Variants in KMO observed in about 807,000 individuals in gnomAD.
KMO encodes kynurenine 3-monooxygenase, also known as kynurenine 3-hydroxylase.
A neutral mutation model predicts 57.8 loss-of-function variants in KMO; 24 were observed. The ratio of observed to expected loss-of-function variants is 0.42; its 90% CI spans 0.30 to 0.58. The LOEUF (loss-of-function observed/expected upper bound fraction) is 0.58, where lower values mean the gene tolerates loss of function less well. Ranked by LOEUF, KMO falls within the 20% of genes least tolerant of loss-of-function variation. KMO has a pLI of 0.22. For synonymous variants in KMO, 210 were observed against 193.6 expected, an observed-to-expected ratio of 1.08 and a Z score of -0.70; for missense variants, 483 against 588.2, an observed-to-expected ratio of 0.82 and a Z score of 1.85.
chr1:241,545,305 T>C (rs1409113557), intron 1 of KMO, among the ~76,000 whole-genome samples: 2 of 152,190 alleles, frequency 1.3e-5, no homozygotes, highest in African/African-American at 4.8e-5. Context: ...TGTAAGCTCT[T>C]TGTATTAGTT....
intron 11 of KMO, among the ~76,000 whole-genome samples, chr1:241,586,957 G>A (rs1238841701): frequency 6.6e-6 from 1 of 152,142 alleles, no homozygotes; most frequent in Non-Finnish European, 1.5e-5. Flanking sequence ...CTATGTGGAG[G>A]TCCATGAAGT....
At chr1:241,556,147 G>C (rs1330920569) in intron 5 of KMO, among the ~76,000 whole-genome samples, 1 of 152,060 alleles carries the variant, frequency 6.6e-6, no homozygotes, top group Non-Finnish European at 1.5e-5. Context: ...ATTGCCTAAA[G>C]TTTTTAGAGA....
At chr1:241,587,737 C>A (rs1490493442) in intron 11 of KMO, among the ~76,000 whole-genome samples, 1 of 151,216 alleles carries the variant, frequency 6.6e-6, no homozygotes, top group African/African-American at 2.4e-5. Context: ...AGCCACCATG[C>A]CCGGCATAAA....
At chr1:241,560,905 A>G (rs1337957584) in intron 6 of KMO, among the ~76,000 whole-genome samples, 153 bp downstream of exon 6, 6 of 152,236 alleles carry the variant, frequency 3.9e-5, no homozygotes, top group Non-Finnish European at 8.8e-5. Flanking sequence ...TTTAGATTGC[A>G]AATAGGCCCT....
intron 1 of KMO, among the ~76,000 whole-genome samples, chr1:241,547,129 G>A (rs1171228592): frequency 6.6e-6 from 1 of 152,078 alleles, no homozygotes; most frequent in Admixed American, 6.6e-5. Flanking sequence ...GCTACTGGTA[G>A]GGCAACACTC....
intron 1 of KMO, among the ~76,000 whole-genome samples, chr1:241,534,992 A>G (rs991558365): frequency 2.0e-5 from 3 of 151,762 alleles, no homozygotes; most frequent in African/African-American, 7.3e-5. Flanking sequence ...TGTTTCTTAG[A>G]TATCTACTCC....
rs1211795268 is a variant in KMO, at chr1:241,548,717, C to T, written c.55-112C>T. ...AAATGAGGCTGGTAAAATATGACCACACACAATGTGAGGCTAGTAAAACAT... is the reference window on the plus strand; with the variant it reads ...AAATGAGGCTGGTAAAATATGACCATACACAATGTGAGGCTAGTAAAACAT... On this transcript the variant is annotated intron_variant, in intron 1 of 14. Coordinates refer to ENST00000366559, the MANE Select transcript of KMO (RefSeq NM_003679.5). 9.8e-6 allele frequency: 6 copies of T among 609,330 alleles called. No individual in the cohort carries two copies. The African/African-American group carries it at 1.1e-4, about 11-fold the overall frequency. The allele number at this position is 609,330 out of a possible 1,614,324, so 37.7% of individuals were successfully genotyped here. A position where few individuals can be genotyped will look rare whatever the true frequency, so the allele number is the denominator to read the frequency against.
chr1:241,562,383 C>G, intron 7 of KMO, 51 bp downstream of exon 7: 1 of 1,566,042 alleles, frequency 6.4e-7, no homozygotes, highest in African/African-American at 1.4e-5. Context: ...GCTCCATGAG[C>G]GCGAATGCGT....
Position 241,555,656 on chromosome 1 carries a change from G to T in KMO, c.357G>T (p.Leu119Phe). 1 of 1,556,640 alleles carries T rather than the reference G, an allele frequency of 6.4e-7. No individual in the cohort carries two copies. Among genetic ancestry groups the T allele is most frequent in the Non-Finnish European group, 8.9e-7 (1 of 1,129,226 alleles). ...VSRENLNKDL[L>F]TAAEKYPNVK... ...GAGAAAATCTAAACAAGGATCTATTGACTGGTAAGTCTAATGTTTGATTCA... is the reference window on the plus strand; with the variant it reads ...GAGAAAATCTAAACAAGGATCTATTTACTGGTAAGTCTAATGTTTGATTCA... The change falls in exon 5 of 15, where the codon TTG becomes TTT. Residue 119 changes from leucine to phenylalanine, a missense_variant. Leu to Phe is a conservative substitution (Grantham distance 22). Around this residue, in one of 3 missense-constraint regions of KMO, gnomAD observed 410 missense variants for 492.3 expected, o/e 0.83. Transcript: ENST00000366559.
At chr1:241,570,631 C>T (rs1306970376) in intron 10 of KMO, among the ~76,000 whole-genome samples, 1 of 152,032 alleles carries the variant, frequency 6.6e-6, no homozygotes, top group African/African-American at 2.4e-5. Flanking sequence ...TATTCTGTTC[C>T]ATTGGTCAAT....
intron 2 of KMO, among the ~76,000 whole-genome samples, chr1:241,549,256 A>AGTCG (rs369081687): frequency 0.12 from 13,737 of 114,676 alleles, 1,610 homozygotes; most frequent in Non-Finnish European, 0.14. Flanking sequence ...AAAGAAAGAA[A>AGTCG]GAAAGAAAGA....
At chr1:241,560,786 G>T (rs746390936) in intron 6 of KMO, 34 bp downstream of exon 6, 1 of 1,408,866 alleles carries the variant, frequency 7.1e-7, no homozygotes, top group South Asian at 1.2e-5. Context: ...CTTCAGAGGT[G>T]AAAGCTGGGA....
intron 2 of KMO, 46 bp downstream of exon 2, chr1:241,548,944 C>A: frequency 7.6e-7 from 1 of 1,316,074 alleles, no homozygotes; most frequent in Non-Finnish European, 1.1e-6. Context: ...GGCACGGTGG[C>A]TCCTGGCACT....
Position 241,565,036 on chromosome 1 carries a change from T to C in KMO, c.665T>C (p.Met222Thr). ...YLHIWPRNTFMMIALPNMNKS... is the reference protein window; with the variant it reads ...YLHIWPRNTFTMIALPNMNKS... The stretch of plus-strand genomic sequence containing the variant: ...CATATTTGGCCTAGAAATACCTTTA[T>C]GATGATTGCACTTCCTAACATGGTA... The change falls in exon 8 of 15, where the codon ATG becomes ACG. Residue 222 changes from methionine to threonine, a missense_variant. Around this residue, in one of 3 missense-constraint regions of KMO, gnomAD observed 410 missense variants for 492.3 expected, o/e 0.83. Transcript: ENST00000366559. 6.2e-7 allele frequency: 1 copy of C among 1,603,612 alleles called. No individual in the cohort carries two copies. The highest frequency in any genetic ancestry group is 8.5e-7 in the Non-Finnish European group (1 of 1,170,730).
chr1:241,564,255 T>C (rs960854812), intron 7 of KMO, among the ~76,000 whole-genome samples: 20 of 152,282 alleles, frequency 1.3e-4, no homozygotes, highest in Non-Finnish European at 2.9e-4. Flanking sequence ...TATGAAATAA[T>C]TGGAAAGTTG....
intron 5 of KMO, among the ~76,000 whole-genome samples, chr1:241,559,451 T>TA (rs1661757608): frequency 1.0e-3 from 2 of 1,920 alleles, no homozygotes; most frequent in Non-Finnish European, 1.3e-3. Flanking sequence ...ACATAATTTT[T>TA]TAAAAGTTTT....
intron 5 of KMO, among the ~76,000 whole-genome samples, chr1:241,560,213 T>C (rs1249291579): frequency 1.3e-5 from 2 of 152,154 alleles, no homozygotes; most frequent in East Asian, 3.8e-4. Flanking sequence ...AAATCAACAA[T>C]CTCTATTTGT....
At chr1:241,566,752 G>A (rs1430246877) in intron 9 of KMO, 140 bp downstream of exon 9, 5 of 877,378 alleles carry the variant, frequency 5.7e-6, no homozygotes, top group African/African-American at 1.7e-5. Flanking sequence ...TAGAGCAAAA[G>A]TCTAAGTGGA....
At chr1:241,575,734 T>G (rs981795085) in intron 10 of KMO, among the ~76,000 whole-genome samples, 1 of 152,090 alleles carries the variant, frequency 6.6e-6, no homozygotes, top group Non-Finnish European at 1.5e-5. Context: ...ATGAGAAGAA[T>G]GTACATTCTG....
Sources: allele counts gnomAD v4.1 joint callset (sites outside exome capture counted in the v4.1 genomes callset), GRCh38; gene constraint gnomAD v4.1.1; regional missense constraint gnomAD v4.1.1; transcripts MANE v1.5; gene names NCBI Gene and HGNC (gene_info 2026-07-23, HGNC 2026-07-21).